The following AOAH variants were observed in gnomAD, a reference collection of about 807,000 sequenced individuals.
AOAH encodes the protein acyloxyacyl hydrolase, also known as acyloxyacyl hydrolase (neutrophil).
AOAH carries 64 observed loss-of-function variants against 92.2 expected under a neutral mutation model. That is an observed-to-expected ratio of 0.69 (90% CI 0.57 to 0.86). The LOEUF (loss-of-function observed/expected upper bound fraction) is 0.86. Among genes scored for constraint, AOAH ranks in the 40% least tolerant of loss-of-function variants. The pLI is 0.00. For missense variants in AOAH, 656 were observed against 694.6 expected (o/e 0.94, Z 0.62); for synonymous variants, 263 against 254.5 (o/e 1.03, Z -0.32).
chr7:36,555,447 T>C (rs1219448862), intron 13 of AOAH, among the ~76,000 whole-genome samples: 1 of 152,188 alleles, frequency 6.6e-6, no homozygotes, highest in Non-Finnish European at 1.5e-5. Flanking sequence ...TAAAATTCTC[T>C]TTTTTGGTTG....
chr7:36,595,924 T>G (rs1013976685), intron 11 of AOAH, among the ~76,000 whole-genome samples: 1 of 152,242 alleles, frequency 6.6e-6, no homozygotes, highest in African/African-American at 2.4e-5. Flanking sequence ...AAGACAAGCA[T>G]GTCAAAACAA....
intron 19 of AOAH, among the ~76,000 whole-genome samples, chr7:36,523,765 G>A (rs1217034826): frequency 3.3e-5 from 5 of 150,640 alleles, no homozygotes; most frequent in African/African-American, 1.2e-4. Flanking sequence ...TGCTGGCTGC[G>A]ATGCTGGCCC....
At chr7:36,630,973 A>G (rs1425399778) in intron 6 of AOAH, among the ~76,000 whole-genome samples, 1 of 152,238 alleles carries the variant, frequency 6.6e-6, no homozygotes, top group East Asian at 1.9e-4. Context: ...GTGAGGAAAC[A>G]TATCGAAAGT....
chr7:36,678,600 TGC>T lies in AOAH; in HGVS notation c.224-4593_224-4592del, dbSNP rs1554314414. Among the ~76,000 whole-genome samples, 52 of 131,098 alleles carry T rather than the reference TGC, an allele frequency of 4.0e-4. 1 individual carries two copies. The highest frequency in any genetic ancestry group is 1.1e-3 in the East Asian group (5 of 4,606). 86.0% of individuals were successfully genotyped at this position (131,098 alleles called of 152,430 possible). On this transcript the variant is annotated intron_variant, in intron 2 of 20. Coordinates refer to ENST00000617537, the MANE Select transcript of AOAH (RefSeq NM_001637.4). Reference sequence around the variant, plus strand: ...GTGTGTGTGTGTGTGTGTGTGTGTGTGCGCGCGCGCGCGCGTTAGAATTCTGT... The same window carrying T: ...GTGTGTGTGTGTGTGTGTGTGTGTGTGCGCGCGCGCGCGTTAGAATTCTGT...
At chr7:36,640,872 A>G (rs1245196871) in intron 4 of AOAH, among the ~76,000 whole-genome samples, 1 of 152,194 alleles carries the variant, frequency 6.6e-6, no homozygotes, top group African/African-American at 2.4e-5. Flanking sequence ...GCAATGAGGT[A>G]GAAAAGAGCC....
intron 19 of AOAH, among the ~76,000 whole-genome samples, chr7:36,526,826 C>T (rs774318548): frequency 3.3e-5 from 5 of 152,180 alleles, no homozygotes; most frequent in Admixed American, 6.5e-5. Context: ...AACAGCAACA[C>T]TAGCAGATAT....
intron 16 of AOAH, among the ~76,000 whole-genome samples, chr7:36,533,800 C>T (rs1039771803): frequency 3.3e-5 from 5 of 152,040 alleles, no homozygotes; most frequent in Admixed American, 1.3e-4. Flanking sequence ...GGGTCCTCCA[C>T]GTGCTCTCCT....
intron 1 of AOAH, among the ~76,000 whole-genome samples, chr7:36,701,100 T>C (rs1303192553): frequency 6.6e-6 from 1 of 152,072 alleles, no homozygotes; most frequent in Non-Finnish European, 1.5e-5. Context: ...GTTGTATTAC[T>C]TCCACCTATT....
intron 20 of AOAH, among the ~76,000 whole-genome samples, chr7:36,515,219 A>C (rs1583699242): frequency 9.7e-6 from 1 of 102,870 alleles, no homozygotes; most frequent in African/African-American, 3.9e-5. Context: ...CCACACACAC[A>C]CCACACACCA....
At chr7:36,626,178 CAGAG>C (rs780078026) in intron 6 of AOAH, among the ~76,000 whole-genome samples, 1 of 150,324 alleles carries the variant, frequency 6.7e-6, no homozygotes, top group African/African-American at 2.4e-5. Context: ...GACAGATCAA[CAGAG>C]AGAGAGAGAG....
chr7:36,555,822 G>A (rs1325377812), intron 13 of AOAH, among the ~76,000 whole-genome samples: 2 of 152,214 alleles, frequency 1.3e-5, no homozygotes, highest in Admixed American at 6.5e-5. Context: ...CTGTGGGATC[G>A]GTGGTGATAT....
intron 4 of AOAH, among the ~76,000 whole-genome samples, chr7:36,646,262 G>A (rs1017581039): frequency 5.3e-5 from 8 of 152,308 alleles, no homozygotes; most frequent in Middle Eastern, 3.4e-3. Flanking sequence ...ACCCGGTGCT[G>A]AGTGAATTTT....
At chr7:36,712,262 T>C (rs945478111) in intron 1 of AOAH, among the ~76,000 whole-genome samples, 1 of 152,178 alleles carries the variant, frequency 6.6e-6, no homozygotes, top group Non-Finnish European at 1.5e-5. Context: ...CGTGAACCAC[T>C]CTGTGTGTGG....
At chr7:36,548,556 G>T in intron 15 of AOAH, 56 bp downstream of exon 15, 1 of 1,440,340 alleles carries the variant, frequency 6.9e-7, no homozygotes, top group Non-Finnish European at 9.8e-7. Flanking sequence ...TGAGGAGAGG[G>T]TGGGGAAGAG....
rs1038123642 is a variant in AOAH, at chr7:36,530,507, T to C, written c.1433A>G (p.Glu478Gly). The part of the protein sequence containing the change: ...TLRTLTSERA[E>G]QLSNTLKKIA... Reference sequence around the variant, plus strand: ...TTTTTTCAGTGTGTTGGAGAGTTGCTCTGCTCTCTGAAGAGAGAGGAAACA... The same window carrying C: ...TTTTTTCAGTGTGTTGGAGAGTTGCCCTGCTCTCTGAAGAGAGAGGAAACA... Residue 478 changes from glutamate (E) to glycine (G), a missense_variant, in exon 19 of 21, where the codon GAG becomes GGG. By Grantham distance (98) the Glu-to-Gly change is moderately conservative (BLOSUM62 -2). Coordinates refer to ENST00000617537, the MANE Select transcript of AOAH (RefSeq NM_001637.4). The C allele has an allele frequency of 6.2e-7, 1 of 1,610,206 alleles. No homozygotes were observed. The highest frequency in any genetic ancestry group is 8.5e-7 in the Non-Finnish European group (1 of 1,176,438).
chr7:36,600,533 C>T (rs1413807159), intron 11 of AOAH, among the ~76,000 whole-genome samples: 1 of 152,182 alleles, frequency 6.6e-6, no homozygotes, highest in Admixed American at 6.5e-5. Flanking sequence ...GAAAGGCCCC[C>T]GGGAGACGGC....
intron 9 of AOAH, 107 bp from the exon 10 acceptor site, chr7:36,618,452 T>A: frequency 2.1e-6 from 2 of 948,152 alleles, no homozygotes; most frequent in South Asian, 2.8e-5. Flanking sequence ...AATGAGTAGA[T>A]AAAACCCTTT....
intron 11 of AOAH, among the ~76,000 whole-genome samples, chr7:36,596,167 C>T (rs73107121): frequency 0.14 from 19,070 of 131,966 alleles, 1,666 homozygotes; most frequent in Middle Eastern, 0.23. Context: ...ATGAAAGCCC[C>T]CCCACCCCCC....
intron 12 of AOAH, among the ~76,000 whole-genome samples, chr7:36,586,505 C>A (rs1377627815): frequency 6.6e-6 from 1 of 152,174 alleles, no homozygotes; most frequent in Admixed American, 6.5e-5. Context: ...AGTTTTCTTT[C>A]TACTTTCAGG....
Sources: allele counts gnomAD v4.1 joint callset (sites outside exome capture counted in the v4.1 genomes callset), GRCh38; gene constraint gnomAD v4.1.1; transcripts MANE v1.5; gene names NCBI Gene and HGNC (gene_info 2026-07-23, HGNC 2026-07-21).